Variants in CEP290 observed in about 807,000 individuals in gnomAD.
CEP290 encodes centrosomal protein 290.
CEP290 carries 317 observed loss-of-function variants against 344.9 expected under a neutral mutation model. The observed-to-expected ratio is 0.92, with a 90% CI of 0.84 to 1.01. The LOEUF is 1.01. Ranked by LOEUF, CEP290 falls within the 50% of genes least tolerant of loss-of-function variation. The pLI, the probability that CEP290 is intolerant of heterozygous loss-of-function variation, is 0.00. For missense variants in CEP290, 2,754 were observed against 2,761.4 expected, an observed-to-expected ratio of 1.00 and a Z score of 0.06; for synonymous variants, 932 against 895.8, an observed-to-expected ratio of 1.04 and a Z score of -0.72.
At chr12:88,131,973 T>C (rs902948098) in intron 6 of CEP290, among the ~76,000 whole-genome samples, 1 of 152,234 alleles carries the variant, frequency 6.6e-6, no homozygotes, top group Non-Finnish European at 1.5e-5. Flanking sequence ...CCTAGGTTTA[T>C]GTCCCTCATC....
intron 39 of CEP290, among the ~76,000 whole-genome samples, chr12:88,078,365 C>T (rs1240285360): frequency 1.3e-5 from 2 of 152,004 alleles, no homozygotes; most frequent in African/African-American, 2.4e-5. Flanking sequence ...CAATACTAGA[C>T]AATATGTATG....
intron 45 of CEP290, 21 bp from the exon 46 acceptor site, chr12:88,062,799 A>T: frequency 2.1e-6 from 3 of 1,452,212 alleles, no homozygotes; most frequent in Non-Finnish European, 2.8e-6. Flanking sequence ...ACAAGCAAAC[A>T]TGTAATAATT....
chr12:88,063,212 A>G (rs974901182), intron 45 of CEP290, among the ~76,000 whole-genome samples: 4 of 151,878 alleles, frequency 2.6e-5, no homozygotes, highest in Admixed American at 6.6e-5. Context: ...AAATAAATAA[A>G]GTGTGAGAAG....
intron 39 of CEP290, among the ~76,000 whole-genome samples, chr12:88,078,167 C>A (rs1401197164): frequency 6.8e-6 from 1 of 147,650 alleles, no homozygotes; most frequent in Non-Finnish European, 1.5e-5. Flanking sequence ...TCAACAAACA[C>A]CCACAAACAA....
intron 42 of CEP290, 57 bp downstream of exon 42, chr12:88,071,724 T>G: frequency 7.5e-7 from 1 of 1,325,950 alleles, no homozygotes; most frequent in Non-Finnish European, 1.0e-6. Flanking sequence ...CTATATAATT[T>G]CCAGGTCACT....
intron 13 of CEP290, among the ~76,000 whole-genome samples, chr12:88,124,165 G>A (rs368215395): frequency 5.9e-4 from 89 of 152,026 alleles, no homozygotes; most frequent in South Asian, 1.5e-3. Context: ...AACTTTCCCC[G>A]GTGTCCCTTC....
intron 41 of CEP290, among the ~76,000 whole-genome samples, chr12:88,073,755 G>A (rs758714268): frequency 6.6e-6 from 1 of 151,848 alleles, no homozygotes; most frequent in Admixed American, 6.6e-5. Flanking sequence ...AACATAGTAA[G>A]ACGTCATCTC....
chr12:88,061,753 A>T (rs2034495683), intron 46 of CEP290, among the ~76,000 whole-genome samples: 1 of 152,114 alleles, frequency 6.6e-6, no homozygotes, highest in South Asian at 2.1e-4. Flanking sequence ...TGCTGCCAGC[A>T]AGATACTGTT....
intron 18 of CEP290, chr12:88,115,465 G>A: frequency 7.7e-7 from 1 of 1,298,526 alleles, no homozygotes; most frequent in Non-Finnish European, 1.0e-6. Flanking sequence ...TTAATGTTCT[G>A]CCTTTACACT....
intron 44 of CEP290, among the ~76,000 whole-genome samples, chr12:88,067,667 C>G (rs962579793): frequency 2.0e-5 from 3 of 152,094 alleles, no homozygotes; most frequent in African/African-American, 4.8e-5. Flanking sequence ...TGACAACATT[C>G]TTGATTAATT....
chr12:88,086,113 T>A lies in CEP290; in HGVS notation c.4363A>T (p.Ile1455Phe), dbSNP rs2036555072. 1 of 1,613,192 alleles carries A rather than the reference T, an allele frequency of 6.2e-7. No homozygotes were observed. Among genetic ancestry groups the A allele is most frequent in the African/African-American group, 1.3e-5 (1 of 74,922 alleles). Residue 1455 changes from isoleucine to phenylalanine, a missense_variant, in exon 34 of 54, where the codon ATC becomes TTC. By Grantham distance (21) the Ile-to-Phe change is conservative (BLOSUM62 0). Coordinates refer to ENST00000552810, the MANE Select transcript of CEP290 (RefSeq NM_025114.4). ...TTCTCCTTAATTTTCCTTAGAGCGA[T>A]CTCAAGTTGATTTGGAAGGGGCAAA... ...PSLPLPNQLE[I>F]ALRKIKENIR...
In CEP290 at chr12:88,103,946, C is replaced by T. The variant is rs193203770; in HGVS notation, c.2818-935G>A. The stretch of plus-strand genomic sequence containing the variant: ...CTATTTCCCATCTCTTAAGAATCTC[C>T]CTTTTTCTTGGCTCTTCAATTGTTG... On this transcript the variant is annotated intron_variant, in intron 25 of 53. Coordinates refer to ENST00000552810, the MANE Select transcript of CEP290 (RefSeq NM_025114.4). The T allele has an allele frequency of 8.0e-4, 121 of 151,992 alleles. 2 individuals are homozygous for T. Among genetic ancestry groups the T allele is most frequent in the Admixed American group, 7.6e-3 (116 of 15,276 alleles). 9.4% of individuals were successfully genotyped at this position (151,992 alleles called of 1,614,324 possible). A position where few individuals can be genotyped will look rare whatever the true frequency, so the allele number is the denominator to read the frequency against.
chr12:88,050,063 AAAAT>A, intron 53 of CEP290: 2 of 229,240 alleles, frequency 8.7e-6, no homozygotes, highest in Non-Finnish European at 8.3e-6. Context: ...TTTCAAAAAA[AAAAT>A]AAAGACACTG....
At chr12:88,080,874 T>C (rs1416111017) in intron 37 of CEP290, among the ~76,000 whole-genome samples, 1 of 152,238 alleles carries the variant, frequency 6.6e-6, no homozygotes, top group Admixed American at 6.5e-5. Context: ...AATTCTTTAT[T>C]TCATTTAACT....
Position 88,079,214 on chromosome 12 carries a change from G to A in CEP290, c.5242C>T (p.Leu1748Phe), listed in dbSNP as rs1431648249. 2 of 1,588,338 alleles carry A rather than the reference G, an allele frequency of 1.3e-6. No individual in the cohort carries two copies. The highest frequency in any genetic ancestry group is 1.2e-5 in the South Asian group (1 of 83,912). The part of the protein sequence containing the change: ...EKQQKALSRA[L>F]LELRAEMTAA... ...GTCATTTCTGCCCGGAGTTCTAAAA[G>A]TGCCCGACTAAGTGCCTAAAAATTA... The change falls in exon 39 of 54, where the codon CTT becomes TTT. Residue 1748 changes from leucine to phenylalanine, a missense_variant. Physicochemically the swap from Leu to Phe is conservative, Grantham distance 22. Coordinates refer to ENST00000552810, the MANE Select transcript of CEP290 (RefSeq NM_025114.4).
chr12:88,063,910 TA>T, intron 45 of CEP290, 70 bp downstream of exon 45: 1 of 1,312,826 alleles, frequency 7.6e-7, no homozygotes, highest in South Asian at 1.5e-5. Context: ...AATAAGCTAA[TA>T]AAAGTAAACA....
rs1403887401 is a variant in CEP290, at chr12:88,125,368, C to T, written c.1067G>A (p.Gly356Asp). The change falls in exon 13 of 54, where the codon GGT becomes GAT. Residue 356 changes from glycine (G) to aspartate (D), a missense_variant and splice_region_variant. Gly to Asp is a moderately conservative substitution (Grantham distance 94). Transcript: ENST00000552810. ...AATTTGACTGTCTCGTTCCTGTATA[C>T]CCTATAAAATATTTTAAAACAATAT... is the stretch of plus-strand genomic sequence containing the variant. ...DKSNVMALQQ[G>D]IQERDSQIKM... 1.6e-6 allele frequency: 2 copies of T among 1,280,092 alleles called. No individual in the cohort carries two copies. 79.3% of individuals were successfully genotyped at this position (1,280,092 alleles called of 1,614,324 possible). A position where few individuals can be genotyped will look rare whatever the true frequency, so the allele number is the denominator to read the frequency against.
chr12:88,107,637 T>C (rs939249493), intron 23 of CEP290, among the ~76,000 whole-genome samples: 1 of 150,430 alleles, frequency 6.6e-6, no homozygotes, highest in Non-Finnish European at 1.5e-5. Flanking sequence ...TAAGAAGAAG[T>C]ATGCTGTAAT....
chr12:88,114,033 T>G (rs2038886337), intron 20 of CEP290, among the ~76,000 whole-genome samples: 1 of 152,070 alleles, frequency 6.6e-6, no homozygotes, highest in African/African-American at 2.4e-5. Context: ...TGCAGAGATC[T>G]ATCATCTTTC....
Sources: gnomAD v4.1 joint callset for allele counts (sites outside exome capture counted in the v4.1 genomes callset) on GRCh38, gnomAD v4.1.1 for gene constraint, MANE v1.5 for transcripts, NCBI Gene and HGNC (gene_info 2026-07-23, HGNC 2026-07-21) for gene names.